POLR2E: variants seen among roughly 807,000 people sequenced by gnomAD.
The protein encoded by POLR2E is RNA polymerase II, I and III subunit E.
A neutral mutation model predicts 29.8 loss-of-function variants in POLR2E; 35 were observed. That is an observed-to-expected ratio of 1.17 (90% CI 0.90 to 1.55). The LOEUF (loss-of-function observed/expected upper bound fraction) is 1.55, where lower values mean the gene tolerates loss of function less well. Among genes scored for constraint, POLR2E ranks in the 40% most tolerant of loss-of-function variants. POLR2E has a pLI of 0.00. For synonymous variants in POLR2E, 174 were observed against 112.6 expected (o/e 1.55, Z -3.45); for missense variants, 287 against 288.6 (o/e 0.99, Z 0.04).
rs569474870 is a variant in POLR2E, at chr19:1,090,895, G to C, written c.429+13C>G. On this transcript the variant is annotated intron_variant, in intron 4 of 7. Transcript: ENST00000615234. ...CGGCCCCACGCAGGCGGGATTCCGC[G>C]GCGCGCGCCCACCTCGTGCTCCGTG... The C allele has an allele frequency of 6.2e-7, 1 of 1,609,946 alleles. No homozygotes were observed. The highest frequency in any genetic ancestry group is 8.5e-7 in the Non-Finnish European group (1 of 1,178,412).
intron 6 of POLR2E, 28 bp downstream of exon 6, chr19:1,089,856 C>T: frequency 6.3e-7 from 1 of 1,577,092 alleles, no homozygotes; most frequent in Non-Finnish European, 8.7e-7. Flanking sequence ...AGAGCAGCCC[C>T]AGGGCCCCTT....
chr19:1,091,753 G>A (rs2043836220), intron 3 of POLR2E, 39 bp downstream of exon 3: 1 of 1,351,898 alleles, frequency 7.4e-7, no homozygotes, highest in Non-Finnish European at 1.1e-6. Flanking sequence ...GGAGGCTGGG[G>A]AGGGGGAGAG....
chr19:1,090,460 A>ATTTTTTTTTT (rs58876047), intron 4 of POLR2E, among the ~76,000 whole-genome samples: 2 of 90,450 alleles, frequency 2.2e-5, no homozygotes, highest in Non-Finnish European at 4.2e-5. Flanking sequence ...CGGGATCTGC[A>ATTTTTTTTTT]TTTTTTTTTT....
rs1275026376 is a variant in POLR2E, at chr19:1,086,995, T to C, written c.*1740A>G. 4 of 30,904 alleles carry C rather than the reference T, an allele frequency of 1.3e-4. No individual in the cohort carries two copies. The highest frequency in any genetic ancestry group is 7.6e-4 in the African/African-American group (4 of 5,290). The allele number at this position is 30,904 out of a possible 1,614,324, so 1.9% of individuals were successfully genotyped here. On this transcript the variant is annotated 3_prime_UTR_variant, in exon 8 of 8. Transcript: ENST00000615234. ...GGCCCATGCGCCTGTGGAACTGCAT[T>C]TTTTTTTTTTTTTGAGACAGGGTGT...
intron 2 of POLR2E, among the ~76,000 whole-genome samples, chr19:1,092,669 C>T (rs1307463294): frequency 6.6e-6 from 1 of 151,752 alleles, no homozygotes; most frequent in Non-Finnish European, 1.5e-5. Context: ...GCCTGGGCAA[C>T]AGAGCAAGAC....
At chr19:1,093,085 C>T (rs552517777) in intron 2 of POLR2E, among the ~76,000 whole-genome samples, 1 of 151,544 alleles carries the variant, frequency 6.6e-6, no homozygotes, top group Admixed American at 6.6e-5. Context: ...GCTACTCAAG[C>T]TGAGGCAGGA....
chr19:1,091,718 C>A, intron 3 of POLR2E, 74 bp downstream of exon 3: 6 of 1,030,668 alleles, frequency 5.8e-6, no homozygotes, highest in Non-Finnish European at 7.5e-6. Flanking sequence ...GGCACGTGGG[C>A]CGCCTGTGGG....
rs1260673836 is a variant in POLR2E at position 1,095,349 on chromosome 19, TTC to T, written c.-36_-35del. 3 of 1,611,534 alleles carry T rather than the reference TTC, an allele frequency of 1.9e-6. No homozygotes were observed. The highest frequency in any genetic ancestry group is 4.5e-5 in the East Asian group (2 of 44,840). ...CCGCCGCCGCCGCCGCTCGCACCCC[TTC>T]TCCGCGCGAGAACCCGCGCGGACTG... On this transcript the variant is annotated 5_prime_UTR_variant, in exon 1 of 8. Transcript: ENST00000615234.
rs183140155 is a variant in POLR2E, at chr19:1,090,580, G to A, written c.429+328C>T. On this transcript the variant is annotated intron_variant, in intron 4 of 7. Transcript: ENST00000615234. ...CTACAGGCGCTCGCCACCACGCCTGGCTAATTTTTTTGTATTTTTAGTAGA... is the reference window on the plus strand; with the variant it reads ...CTACAGGCGCTCGCCACCACGCCTGACTAATTTTTTTGTATTTTTAGTAGA... 2.8e-3 allele frequency among the ~76,000 whole-genome samples: 426 copies of A among 150,164 alleles called. 2 individuals carry two copies. The highest frequency in any genetic ancestry group is 5.0e-3 in the Non-Finnish European group (341 of 67,668).
chr19:1,089,625 C>T (rs1363260985), intron 6 of POLR2E, 74 bp from the exon 7 acceptor site: 9 of 1,319,254 alleles, frequency 6.8e-6, no homozygotes, highest in South Asian at 1.2e-5. Context: ...AGGCGGGCAG[C>T]ACACGGGCTG....
rs1357289231 is a variant in POLR2E, at chr19:1,088,385, G to A, written c.*350C>T. ...GAGGGGTGGAAGGCCGAGGGCCCAG[G>A]AGGAAGCAGTGGCTGGTGGGAGACC... On this transcript the variant is annotated 3_prime_UTR_variant, in exon 8 of 8. Transcript: ENST00000615234. The A allele has an allele frequency of 6.6e-6, 1 of 152,472 alleles. No individual in the cohort carries two copies. The highest frequency in any genetic ancestry group is 2.4e-5 in the African/African-American group (1 of 41,458). 9.4% of individuals were successfully genotyped at this position (152,472 alleles called of 1,614,324 possible).
chr19:1,090,157 G>A lies in POLR2E; in HGVS notation c.430-12C>T. The A allele has an allele frequency of 6.2e-7, 1 of 1,612,122 alleles. No homozygotes were observed. The highest frequency in any genetic ancestry group is 8.5e-7 in the Non-Finnish European group (1 of 1,179,676). On this transcript the variant is annotated splice_polypyrimidine_tract_variant and intron_variant, in intron 4 of 7. Transcript: ENST00000615234. ...TGCTCAGGGACTAGCTGCCGAGAGA[G>A]GAAGCCACCAGGCATCACCAAGGGC...
At position 1,088,591 on chromosome 19, in the gene POLR2E, T is replaced by G. The variant is rs369859714; in HGVS notation, c.*144A>C. On this transcript the variant is annotated 3_prime_UTR_variant, in exon 8 of 8. Transcript: ENST00000615234. ...AGCCTCACCCCAGGACGGGAGAACG[T>G]GGGTGGAGGCCACCTGCCTTGGGGA... The G allele has an allele frequency of 5.9e-5, 9 of 152,256 alleles. No homozygotes were observed. The highest frequency in any genetic ancestry group is 2.2e-4 in the African/African-American group (9 of 41,428). The allele number at this position is 152,256 out of a possible 1,614,324, so 9.4% of individuals were successfully genotyped here.
intron 3 of POLR2E, among the ~76,000 whole-genome samples, chr19:1,091,295 CT>C (rs1221339896): frequency 1.3e-5 from 2 of 152,226 alleles, no homozygotes; most frequent in African/African-American, 4.8e-5. Context: ...AGGGGTGCTG[CT>C]CTGTGTGGCT....
At chr19:1,092,956 C>T (rs368881941) in intron 2 of POLR2E, among the ~76,000 whole-genome samples, 77 of 150,136 alleles carry the variant, frequency 5.1e-4, no homozygotes, top group Non-Finnish European at 9.7e-4. Flanking sequence ...GAGGCCGAGG[C>T]GGGCGGATCA....
intron 7 of POLR2E, among the ~76,000 whole-genome samples, chr19:1,089,024 T>C (rs971148375): frequency 1.3e-5 from 2 of 152,156 alleles, no homozygotes; most frequent in African/African-American, 4.8e-5. Context: ...TGGGAGGCTC[T>C]CGCCATGGGC....
chr19:1,095,329 G>T lies in POLR2E; in HGVS notation c.-14C>A. 1 of 1,611,970 alleles carries T rather than the reference G, an allele frequency of 6.2e-7. No homozygotes were observed. The highest frequency in any genetic ancestry group is 8.5e-7 in the Non-Finnish European group (1 of 1,179,392). On this transcript the variant is annotated 5_prime_UTR_variant, in exon 1 of 8. Transcript: ENST00000615234. The stretch of plus-strand genomic sequence containing the variant: ...CTCGTCGTCCATGGCAGCCTCCGCC[G>T]CCGCCGCCGCTCGCACCCCTTCTCC...
intron 1 of POLR2E, 165 bp from the exon 2 acceptor site, chr19:1,094,243 C>T (rs1285937707): frequency 6.5e-6 from 4 of 614,764 alleles, no homozygotes; most frequent in Non-Finnish European, 1.1e-5. Flanking sequence ...CCCCCACAGC[C>T]TCACACCACA....
chr19:1,090,094 CCAG>C lies in POLR2E; in HGVS notation c.478_480del (p.Leu160del). 1.9e-6 allele frequency: 3 copies of C among 1,612,348 alleles called. No individual in the cohort carries two copies. Among genetic ancestry groups the C allele is most frequent in the Non-Finnish European group, 2.5e-6 (3 of 1,179,838 alleles). ...TGGGGCTGGAAAGGATACTATCGGG[CCAG>C]CAGCTCTGTCACCTCCTCCTTGGTC... On this transcript the variant is annotated inframe_deletion, in exon 5 of 8. Coordinates refer to ENST00000615234, the MANE Select transcript of POLR2E (RefSeq NM_002695.5).
Sources: gnomAD v4.1 joint callset for allele counts (sites outside exome capture counted in the v4.1 genomes callset) on GRCh38, gnomAD v4.1.1 for gene constraint, MANE v1.5 for transcripts, NCBI Gene and HGNC (gene_info 2026-07-23, HGNC 2026-07-21) for gene names.